Variants in CDH7 observed in about 807,000 individuals in gnomAD.
CDH7 encodes the protein cadherin 7, also known as cadherin-7.
A neutral mutation model predicts 71.8 loss-of-function variants in CDH7; 25 were observed. The observed-to-expected ratio is 0.35, with a 90% confidence interval of 0.25 to 0.49. The LOEUF is 0.49. Ranked by LOEUF, CDH7 falls within the 20% of genes least tolerant of loss-of-function variation. CDH7 has a pLI of 0.99. For synonymous variants in CDH7, 381 were observed against 363.8 expected (o/e 1.05, Z -0.54); for missense variants, 862 against 974.6 (o/e 0.88, Z 1.54).
chr18:65,774,477 A>T (rs1598993831), intron 2 of CDH7, among the ~76,000 whole-genome samples: 1 of 151,972 alleles, frequency 6.6e-6, no homozygotes, highest in Non-Finnish European at 1.5e-5. Flanking sequence ...GGTTTTACAA[A>T]TTAAAACGAC....
chr18:65,854,377 A>G (rs1913272766), intron 7 of CDH7, among the ~76,000 whole-genome samples: 1 of 152,138 alleles, frequency 6.6e-6, no homozygotes, highest in Admixed American at 6.6e-5. Context: ...TGAATGATAG[A>G]AACTTTTGTT....
intron 2 of CDH7, among the ~76,000 whole-genome samples, chr18:65,772,864 C>T (rs760458902): frequency 6.6e-6 from 1 of 152,024 alleles, no homozygotes; most frequent in South Asian, 2.1e-4. Context: ...GAGGAGGAAG[C>T]GCATTCTGTT....
At chr18:65,860,893 A>G (rs1913540615) in intron 10 of CDH7, among the ~76,000 whole-genome samples, 1 of 152,192 alleles carries the variant, frequency 6.6e-6, no homozygotes. Context: ...CAATGAGAAT[A>G]CTATTGTGTC....
intron 9 of CDH7, 41 bp from the exon 10 acceptor site, chr18:65,859,667 C>T: frequency 8.2e-7 from 1 of 1,216,384 alleles, no homozygotes; most frequent in South Asian, 1.2e-5. Context: ...CTAAGCATAG[C>T]ACACCAATGT....
At chr18:65,860,629 C>A (rs994550121) in intron 10 of CDH7, among the ~76,000 whole-genome samples, 2 of 151,940 alleles carry the variant, frequency 1.3e-5, no homozygotes, top group Non-Finnish European at 2.9e-5. Flanking sequence ...GTGAATAGTA[C>A]CCCCCAACAG....
Position 65,857,837 on chromosome 18 carries a change from AGAC to A in CDH7, c.1258_1260del (p.Asp420del). ...TTAGGTACTCAATTGACAGAAACAC[AGAC>A]TTGGAGAGATACTTCAATATTGATG... On this transcript the variant is annotated inframe_deletion, in exon 8 of 12. Coordinates refer to ENST00000397968, the MANE Select transcript of CDH7 (RefSeq NM_004361.5). 1 of 1,612,760 alleles carries A rather than the reference AGAC, an allele frequency of 6.2e-7. No individual in the cohort carries two copies.
At chr18:65,844,374 C>A (rs535992635) in intron 7 of CDH7, among the ~76,000 whole-genome samples, 1 of 151,570 alleles carries the variant, frequency 6.6e-6, no homozygotes, top group East Asian at 1.9e-4. Flanking sequence ...AAAACATGTT[C>A]AAAAATGAAG....
chr18:65,796,597 G>A (rs1041470505), intron 2 of CDH7, among the ~76,000 whole-genome samples: 2 of 152,068 alleles, frequency 1.3e-5, no homozygotes, highest in African/African-American at 4.8e-5. Context: ...AGATCTTTAA[G>A]ACCCCTTGGT....
intron 2 of CDH7, among the ~76,000 whole-genome samples, chr18:65,778,271 C>CAAAAAAAAAA (rs148841669): frequency 2.4e-5 from 2 of 84,332 alleles, no homozygotes; most frequent in Admixed American, 1.5e-4. Context: ...GACTCTGTCT[C>CAAAAAAAAAA]AAAAAAAAAA....
chr18:65,863,312 A>G lies in CDH7; in HGVS notation c.1864+395A>G, dbSNP rs551207309. On this transcript the variant is annotated intron_variant, in intron 11 of 11. Transcript: ENST00000397968. ...CTTGGCCTCCCAAAGTGCTGGGATT[A>G]CAGGAGTGAGCCACAGCTCCTGGCC... The G allele has an allele frequency of 5.5e-4, 116 of 209,622 alleles. 3 individuals are homozygous for G. The South Asian group carries it at 0.011, about 19-fold the overall frequency. The allele number at this position is 209,622 out of a possible 1,614,324, so 13.0% of individuals were successfully genotyped here. A position where few individuals can be genotyped will look rare whatever the true frequency, so the allele number is the denominator to read the frequency against.
Position 65,836,874 on chromosome 18 carries a change from G to A in CDH7, c.982-6938G>A, listed in dbSNP as rs184886768. Among the ~76,000 whole-genome samples, 870 of 151,974 alleles carry A rather than the reference G, an allele frequency of 5.7e-3. 7 individuals are homozygous for A. Among genetic ancestry groups the A allele is most frequent in the African/African-American group, 0.02 (809 of 41,444 alleles). On this transcript the variant is annotated intron_variant, in intron 6 of 11. Coordinates refer to ENST00000397968, the MANE Select transcript of CDH7 (RefSeq NM_004361.5). ...TTATTCAAAAATAATCATATCTATT[G>A]CAGATTTGTAAGATTAATAAAGTTA...
chr18:65,802,102 A>G (rs1036800396), intron 2 of CDH7, among the ~76,000 whole-genome samples: 2 of 152,128 alleles, frequency 1.3e-5, no homozygotes, highest in African/African-American at 4.8e-5. Flanking sequence ...TGTTAGATGG[A>G]CTTTTGCCTA....
intron 2 of CDH7, chr18:65,803,782 C>T (rs1277143709): frequency 6.6e-6 from 1 of 150,942 alleles, no homozygotes; most frequent in African/African-American, 2.4e-5. Context: ...TAAAATTACC[C>T]TGTATGGGTT....
chr18:65,784,891 C>T (rs1443755120), intron 2 of CDH7, among the ~76,000 whole-genome samples: 1 of 152,120 alleles, frequency 6.6e-6, no homozygotes, highest in African/African-American at 2.4e-5. Context: ...TACCCTTGTT[C>T]ATTTATGTGT....
Position 65,886,535 on chromosome 18 carries a change from G to A in CDH7, c.*5641G>A, listed in dbSNP as rs1914379100. On this transcript the variant is annotated 3_prime_UTR_variant, in exon 12 of 12. Transcript: ENST00000397968. Reference sequence around the variant, plus strand: ...AGAACAAATCTTTCTTACTTATAATGATAACTGAGTGGAAGATAAAGGACT... The same window carrying A: ...AGAACAAATCTTTCTTACTTATAATAATAACTGAGTGGAAGATAAAGGACT... 6.6e-6 allele frequency: 1 copy of A among 152,096 alleles called. No individual in the cohort carries two copies. Among genetic ancestry groups the A allele is most frequent in the African/African-American group, 2.4e-5 (1 of 41,410 alleles). 9.4% of individuals were successfully genotyped at this position (152,096 alleles called of 1,614,324 possible). A position where few individuals can be genotyped will look rare whatever the true frequency, so the allele number is the denominator to read the frequency against.
intron 4 of CDH7, among the ~76,000 whole-genome samples, chr18:65,818,415 GAAT>G (rs2143927822): frequency 6.6e-6 from 1 of 152,292 alleles, no homozygotes; most frequent in Admixed American, 6.5e-5. Context: ...TATCCAGTCA[GAAT>G]GTGCATGGGG....
intron 2 of CDH7, among the ~76,000 whole-genome samples, chr18:65,766,716 A>G (rs981994799): frequency 2.0e-5 from 3 of 151,168 alleles, no homozygotes; most frequent in South Asian, 4.2e-4. Context: ...GGAAGGGGGG[A>G]GGATCCTTTC....
In CDH7 at chr18:65,888,847, TA is replaced by T. The variant is rs1914439373; in HGVS notation, c.*7954del. ...TGGGACATTTTGCCCTTTATCTTTT[TA>T]TTAAGACTGTCAATAAATGATGGTT... On this transcript the variant is annotated 3_prime_UTR_variant, in exon 12 of 12. Transcript: ENST00000397968. 6.6e-6 allele frequency: 1 copy of T among 152,138 alleles called. No individual in the cohort carries two copies. The highest frequency in any genetic ancestry group is 1.5e-5 in the Non-Finnish European group (1 of 68,016). The allele number at this position is 152,138 out of a possible 1,614,324, so 9.4% of individuals were successfully genotyped here. A position where few individuals can be genotyped will look rare whatever the true frequency, so the allele number is the denominator to read the frequency against.
rs753653033 is a variant in CDH7 at position 65,762,835 on chromosome 18, A to G, written c.-8A>G. On this transcript the variant is annotated 5_prime_UTR_variant, in exon 2 of 12. Coordinates refer to ENST00000397968, the MANE Select transcript of CDH7 (RefSeq NM_004361.5). ...TTCTTACACAGGAAAAAGAAAGAAAAAAAAAAGATGAAGTTGGGCAAAGTG... is the reference window on the plus strand; with the variant it reads ...TTCTTACACAGGAAAAAGAAAGAAAGAAAAAAGATGAAGTTGGGCAAAGTG... 9.4e-6 allele frequency: 15 copies of G among 1,599,556 alleles called. No individual in the cohort carries two copies. The highest frequency in any genetic ancestry group is 2.7e-5 in the African/African-American group (2 of 73,996).
Sources: gnomAD v4.1 joint callset for allele counts (sites outside exome capture counted in the v4.1 genomes callset) on GRCh38, gnomAD v4.1.1 for gene constraint, MANE v1.5 for transcripts, NCBI Gene and HGNC (gene_info 2026-07-23, HGNC 2026-07-21) for gene names.